The following GNA12 variants were observed in gnomAD, a reference collection of about 807,000 sequenced individuals.
The protein encoded by GNA12 is guanine nucleotide-binding protein subunit alpha-12.
GNA12 carries 9 observed loss-of-function variants against 26.0 expected under a neutral mutation model. The ratio of observed to expected loss-of-function variants is 0.35; its 90% CI spans 0.21 to 0.60. The LOEUF (loss-of-function observed/expected upper bound fraction) is 0.60. Among genes scored for constraint, GNA12 ranks in the 20% least tolerant of loss-of-function variants. The pLI, the probability that GNA12 is intolerant of heterozygous loss-of-function variation, is 0.78. For synonymous variants in GNA12, 264 were observed against 219.6 expected (o/e 1.20, Z -1.79); for missense variants, 405 against 525.8 (o/e 0.77, Z 2.25).
At chr7:2,733,625 A>G in intron 2 of GNA12, 124 bp from the exon 3 acceptor site, 2 of 716,584 alleles carry the variant, frequency 2.8e-6, no homozygotes, top group Admixed American at 2.1e-5. Context: ...AAAGCAAAGG[A>G]AAAAGGCAGA....
At chr7:2,781,029 TTTTAA>T (rs760010814) in intron 2 of GNA12, among the ~76,000 whole-genome samples, 41 of 152,220 alleles carry the variant, frequency 2.7e-4, no homozygotes, top group Non-Finnish European at 5.7e-4. Context: ...CATTGTCACG[TTTTAA>T]TTTTTGCAAA....
intron 2 of GNA12, among the ~76,000 whole-genome samples, chr7:2,777,632 A>T (rs1229514354): frequency 6.6e-6 from 1 of 152,196 alleles, no homozygotes; most frequent in East Asian, 1.9e-4. Context: ...GTGAGGAAGC[A>T]GCAGGAAGGT....
intron 2 of GNA12, among the ~76,000 whole-genome samples, chr7:2,743,358 C>T (rs1790603894): frequency 6.6e-6 from 1 of 152,108 alleles, no homozygotes; most frequent in Non-Finnish European, 1.5e-5. Flanking sequence ...CCATAATACC[C>T]AAGATATAAT....
At chr7:2,804,369 G>C (rs1036713575) in intron 1 of GNA12, among the ~76,000 whole-genome samples, 2 of 152,188 alleles carry the variant, frequency 1.3e-5, no homozygotes, top group East Asian at 3.8e-4. Flanking sequence ...ACGGGTGTGT[G>C]TGTATGCGTA....
chr7:2,794,556 C>T (rs962855536), intron 2 of GNA12, among the ~76,000 whole-genome samples: 4 of 152,084 alleles, frequency 2.6e-5, no homozygotes, highest in African/African-American at 7.2e-5. Flanking sequence ...TGAAGGCGTT[C>T]GTGAGTTGCC....
At chr7:2,758,460 C>G (rs1295240977) in intron 2 of GNA12, among the ~76,000 whole-genome samples, 2 of 152,170 alleles carry the variant, frequency 1.3e-5, no homozygotes, top group Non-Finnish European at 2.9e-5. Context: ...TAAGACGAGC[C>G]TCAATGACAC....
intron 2 of GNA12, among the ~76,000 whole-genome samples, chr7:2,742,583 G>A (rs1280280482): frequency 6.6e-6 from 1 of 152,154 alleles, no homozygotes; most frequent in African/African-American, 2.4e-5. Context: ...AGTGAAGAAA[G>A]CACTGAGTCT....
chr7:2,795,646 GAA>G (rs1222033994), intron 1 of GNA12, among the ~76,000 whole-genome samples: 8 of 145,584 alleles, frequency 5.5e-5, no homozygotes, highest in Non-Finnish European at 1.1e-4. Context: ...AAAAAGAAAA[GAA>G]AAAAGAAAAA....
intron 1 of GNA12, among the ~76,000 whole-genome samples, chr7:2,812,026 G>GT (rs1191137411): frequency 6.6e-6 from 1 of 152,264 alleles, no homozygotes; most frequent in Non-Finnish European, 1.5e-5. Context: ...GGAAGGGGCT[G>GT]TAAGTACTCA....
intron 1 of GNA12, among the ~76,000 whole-genome samples, chr7:2,802,949 C>G (rs1057483455): frequency 6.6e-6 from 1 of 152,210 alleles, no homozygotes. Flanking sequence ...CTGGCCCCAC[C>G]ATAACTCCGC....
intron 1 of GNA12, among the ~76,000 whole-genome samples, chr7:2,804,030 C>T (rs1450502155): frequency 6.6e-6 from 1 of 152,204 alleles, no homozygotes; most frequent in African/African-American, 2.4e-5. Context: ...TCGGAATCTC[C>T]CTTCACTAAA....
chr7:2,777,497 G>T (rs149391856), intron 2 of GNA12, among the ~76,000 whole-genome samples: 1 of 152,342 alleles, frequency 6.6e-6, no homozygotes, highest in African/African-American at 2.4e-5. Flanking sequence ...CAGTGGGATG[G>T]TATCTGGAGG....
chr7:2,752,085 C>A (rs916945460), intron 2 of GNA12, among the ~76,000 whole-genome samples: 1 of 152,036 alleles, frequency 6.6e-6, no homozygotes, highest in East Asian at 1.9e-4. Flanking sequence ...TGAAAAGACA[C>A]AATATCTTTA....
At chr7:2,753,342 G>A (rs979574903) in intron 2 of GNA12, among the ~76,000 whole-genome samples, 1 of 152,034 alleles carries the variant, frequency 6.6e-6, no homozygotes, top group Admixed American at 6.6e-5. Flanking sequence ...GTAGAGATGG[G>A]ATCTTGCTAT....
At chr7:2,762,912 G>A (rs1791635090) in intron 2 of GNA12, 4 of 1,416,000 alleles carry the variant, frequency 2.8e-6, no homozygotes, top group Non-Finnish European at 3.7e-6. Flanking sequence ...GGGAGAAGAG[G>A]CCACAGGCGG....
chr7:2,791,629 G>C (rs1312788589), intron 2 of GNA12, among the ~76,000 whole-genome samples: 1 of 152,104 alleles, frequency 6.6e-6, no homozygotes, highest in Non-Finnish European at 1.5e-5. Flanking sequence ...CTGTCAGCTG[G>C]GGAAGAAAGA....
intron 2 of GNA12, among the ~76,000 whole-genome samples, chr7:2,739,661 G>A (rs1790400043): frequency 6.6e-6 from 1 of 152,122 alleles, no homozygotes; most frequent in Admixed American, 6.5e-5. Flanking sequence ...GAGTGAAACT[G>A]TAGCATCCTA....
intron 1 of GNA12, among the ~76,000 whole-genome samples, chr7:2,841,396 T>C (rs1778984326): frequency 6.6e-6 from 1 of 152,194 alleles, no homozygotes; most frequent in Non-Finnish European, 1.5e-5. Context: ...CTTTTATGCC[T>C]GCCTGGTTCT....
intron 2 of GNA12, among the ~76,000 whole-genome samples, chr7:2,735,374 T>C (rs1391214892): frequency 1.3e-5 from 2 of 152,188 alleles, no homozygotes; most frequent in Admixed American, 1.3e-4. Flanking sequence ...TGCAGGGTTC[T>C]AGCTGGGTCA....
Sources: allele counts gnomAD v4.1 joint callset (sites outside exome capture counted in the v4.1 genomes callset), GRCh38; gene constraint gnomAD v4.1.1; transcripts MANE v1.5; gene names NCBI Gene and HGNC (gene_info 2026-07-23, HGNC 2026-07-21).